Variants in EVC2 observed in about 807,000 individuals in gnomAD.
EVC2 encodes limbin.
EVC2 carries 148 observed loss-of-function variants against 149.3 expected under a neutral mutation model. The observed-to-expected ratio is 0.99, with a 90% CI of 0.87 to 1.14. EVC2 has a LOEUF of 1.14. Among genes scored for constraint, EVC2 ranks in the 50% most tolerant of loss-of-function variants. The pLI, the probability that EVC2 is intolerant of heterozygous loss-of-function variation, is 0.00. For synonymous variants in EVC2, 776 were observed against 649.9 expected (o/e 1.19, Z -2.95); for missense variants, 1,854 against 1,627.3 (o/e 1.14, Z -2.40).
In EVC2 at chr4:5,574,794, C is replaced by T. The variant is rs113681497; in HGVS notation, c.3273-22G>A. 85 of 1,610,440 alleles carry T rather than the reference C, an allele frequency of 5.3e-5. No individual in the cohort carries two copies. The Admixed American group carries it at 1.0e-3, about 19-fold the overall frequency. ...CAAACTGGAGTGAAAATAAAATATA[C>T]GTAAGTTCAGTTTTGTTATAAAGTG... On this transcript the variant is annotated intron_variant, in intron 18 of 21. Transcript: ENST00000344408.
intron 9 of EVC2, among the ~76,000 whole-genome samples, chr4:5,653,429 C>G (rs1011120038): frequency 6.6e-6 from 1 of 152,198 alleles, no homozygotes; most frequent in East Asian, 1.9e-4. Context: ...CAGATGACTA[C>G]TAAGATCCTT....
At position 5,596,813 on chromosome 4, in the gene EVC2, G is replaced by A. The variant is rs147002106; in HGVS notation, c.2830-11963C>T. On this transcript the variant is annotated intron_variant, in intron 16 of 21. Transcript: ENST00000344408. ...AAAGGATCAACAAAACTGATAGACC[G>A]CTAGCAAGACTAATAAAGAAGAAAA... Among the ~76,000 whole-genome samples the A allele has an allele frequency of 2.9e-3, 440 of 152,184 alleles. 12 individuals are homozygous for A. The East Asian group carries it at 0.053, about 18-fold the overall frequency.
intron 6 of EVC2, among the ~76,000 whole-genome samples, chr4:5,684,436 C>T (rs1164392341): frequency 6.6e-6 from 1 of 152,176 alleles, no homozygotes; most frequent in Non-Finnish European, 1.5e-5. Flanking sequence ...CAGTCACAGT[C>T]ATGCTATGAG....
intron 10 of EVC2, among the ~76,000 whole-genome samples, chr4:5,639,087 C>T (rs1717114491): frequency 6.6e-6 from 1 of 152,054 alleles, no homozygotes; most frequent in Admixed American, 6.6e-5. Flanking sequence ...GAGGACCTTG[C>T]CCCTTTTCTT....
chr4:5,650,638 TAGAG>T (rs375595646), intron 9 of EVC2, among the ~76,000 whole-genome samples: 767 of 44,880 alleles, frequency 0.017, 10 homozygotes, highest in East Asian at 0.03. Context: ...TATATATATA[TAGAG>T]AGAGAGAGAG....
intron 17 of EVC2, among the ~76,000 whole-genome samples, chr4:5,578,974 A>T (rs1711526926): frequency 6.6e-6 from 1 of 152,134 alleles, no homozygotes; most frequent in Non-Finnish European, 1.5e-5. Flanking sequence ...CTAGGCAGAG[A>T]TCCTTCAAAG....
At chr4:5,570,897 GA>G (rs1264390155) in intron 19 of EVC2, among the ~76,000 whole-genome samples, 2 of 152,180 alleles carry the variant, frequency 1.3e-5, no homozygotes. Context: ...CTCAGGAATG[GA>G]AAACCATATA....
intron 1 of EVC2, among the ~76,000 whole-genome samples, chr4:5,697,993 C>T (rs556781355): frequency 2.0e-4 from 31 of 152,178 alleles, no homozygotes; most frequent in African/African-American, 6.7e-4. Flanking sequence ...CCTCGTGATC[C>T]GCCTGCCTCA....
At chr4:5,594,106 G>T (rs943714090) in intron 16 of EVC2, among the ~76,000 whole-genome samples, 1 of 152,190 alleles carries the variant, frequency 6.6e-6, no homozygotes, top group Admixed American at 6.5e-5. Context: ...GCTCAAGCAG[G>T]CCTGCCTGCC....
At chr4:5,656,119 C>T (rs1718503686) in intron 9 of EVC2, among the ~76,000 whole-genome samples, 1 of 152,276 alleles carries the variant, frequency 6.6e-6, no homozygotes, top group Non-Finnish European at 1.5e-5. Context: ...AGAATCTCCA[C>T]CAAATGGTCC....
intron 20 of EVC2, among the ~76,000 whole-genome samples, chr4:5,566,902 G>A (rs1458679463): frequency 6.6e-6 from 1 of 152,154 alleles, no homozygotes; most frequent in East Asian, 1.9e-4. Flanking sequence ...CCACCTGCAT[G>A]TCCGTGCACG....
chr4:5,700,889 A>G (rs73795005), intron 1 of EVC2, among the ~76,000 whole-genome samples: 41,266 of 152,106 alleles, frequency 0.27, 6,080 homozygotes, highest in African/African-American at 0.39. Context: ...TACCAGCACC[A>G]TTCGATATGT....
chr4:5,680,761 A>G (rs1262209744), intron 7 of EVC2, among the ~76,000 whole-genome samples: 2 of 152,232 alleles, frequency 1.3e-5, no homozygotes, highest in Non-Finnish European at 2.9e-5. Context: ...AGTTTTAAGA[A>G]ACGTGAAGTG....
At chr4:5,681,705 C>G (rs961528708) in intron 6 of EVC2, among the ~76,000 whole-genome samples, 10 of 151,470 alleles carry the variant, frequency 6.6e-5, no homozygotes, top group Non-Finnish European at 1.2e-4. Context: ...ACGTGTTCTT[C>G]TCTCACTCAA....
rs1715060554 is a variant in EVC2, at chr4:5,614,202, C to G, written c.2829+1220G>C. On this transcript the variant is annotated intron_variant, in intron 16 of 21. Coordinates refer to ENST00000344408, the MANE Select transcript of EVC2 (RefSeq NM_147127.5). The surrounding 1 kb of genome is among the most constrained non-coding windows in gnomAD (Gnocchi z 4.7). ...CCTCCTCTCCTACCTACAGTCCACC[C>G]TGCTGCCAGCCTACTTCACCTGTAA... Among the ~76,000 whole-genome samples, 7 of 152,194 alleles carry G rather than the reference C, an allele frequency of 4.6e-5. No homozygotes were observed. The South Asian group carries it at 1.4e-3, about 31-fold the overall frequency.
Position 5,677,802 on chromosome 4 carries a change from T to C in EVC2, c.870+3458A>G, listed in dbSNP as rs913431512. ...GTGGGGGACACAGGCAAATCCGACA[T>C]GGCCTCACCCGCCAGGAGCTCACAG... is the stretch of plus-strand genomic sequence containing the variant. On this transcript the variant is annotated intron_variant, in intron 7 of 21. Transcript: ENST00000344408. This position sits in a 1 kb window ranked among gnomAD's most constrained non-coding sequence, Gnocchi z 4.3. Among the ~76,000 whole-genome samples the C allele has an allele frequency of 2.0e-5, 3 of 152,228 alleles. No individual in the cohort carries two copies. The highest frequency in any genetic ancestry group is 7.2e-5 in the African/African-American group (3 of 41,460).
At chr4:5,609,311 A>G (rs1486778022) in intron 16 of EVC2, among the ~76,000 whole-genome samples, 1 of 152,208 alleles carries the variant, frequency 6.6e-6, no homozygotes, top group Non-Finnish European at 1.5e-5. Flanking sequence ...CATTCACAGA[A>G]CGAGAGCTGT....
Position 5,663,108 on chromosome 4 carries a change from C to T in EVC2, c.1144G>A (p.Glu382Lys). The T allele has an allele frequency of 6.2e-7, 1 of 1,614,044 alleles. No individual in the cohort carries two copies. Among genetic ancestry groups the T allele is most frequent in the Non-Finnish European group, 8.5e-7 (1 of 1,179,974 alleles). ...TATAATGGGATTTAGAATTCTTACTCTTCTAAGGCTTGAAGCATGCTCCCA... is the reference window on the plus strand; with the variant it reads ...TATAATGGGATTTAGAATTCTTACTTTTCTAAGGCTTGAAGCATGCTCCCA... Reference protein sequence around the residue: ...DPGSMLQALEELEIATLNRAD... With the variant: ...DPGSMLQALEKLEIATLNRAD... Residue 382 changes from glutamate (E) to lysine (K), a missense_variant and splice_region_variant, in exon 9 of 22, where the codon GAG becomes AAG. Physicochemically the swap from Glu to Lys is moderately conservative, Grantham distance 56. Transcript: ENST00000344408.
intron 1 of EVC2, among the ~76,000 whole-genome samples, chr4:5,707,028 C>T (rs1008558278): frequency 1.3e-5 from 2 of 152,158 alleles, no homozygotes; most frequent in Non-Finnish European, 2.9e-5. Flanking sequence ...CTGACACTGG[C>T]TTCCCAGAAG....
Sources: allele counts gnomAD v4.1 joint callset (sites outside exome capture counted in the v4.1 genomes callset), GRCh38; gene constraint gnomAD v4.1.1; non-coding constraint Gnocchi (gnomAD v3.1); transcripts MANE v1.5; gene names NCBI Gene and HGNC (gene_info 2026-07-23, HGNC 2026-07-21).